FBXO32: variants seen among roughly 807,000 people sequenced by gnomAD.
FBXO32 encodes F-box only protein 32.
FBXO32 carries 15 observed loss-of-function variants against 48.3 expected under a neutral mutation model. That is an observed-to-expected ratio of 0.31 (90% CI 0.21 to 0.48). The LOEUF is 0.48. Ranked by LOEUF, FBXO32 falls within the 20% of genes least tolerant of loss-of-function variation. The pLI is 0.99. For missense variants in FBXO32, 309 were observed against 432.7 expected (o/e 0.71, Z 2.54); for synonymous variants, 154 against 165.9 (o/e 0.93, Z 0.55).
Position 123,506,620 on chromosome 8 carries a change from G to C in FBXO32, c.652-46C>G, listed in dbSNP as rs759766806. 4.5e-5 allele frequency: 67 copies of C among 1,503,908 alleles called. No homozygotes were observed. The highest frequency in any genetic ancestry group is 6.0e-5 in the Non-Finnish European group (66 of 1,104,604). 93.2% of individuals were successfully genotyped at this position (1,503,908 alleles called of 1,614,324 possible). A position where few individuals can be genotyped will look rare whatever the true frequency, so the allele number is the denominator to read the frequency against. On this transcript the variant is annotated intron_variant, in intron 6 of 8. Transcript: ENST00000517956. This position sits in a 1 kb window ranked among gnomAD's most constrained non-coding sequence, Gnocchi z 4.0. ...ATAGGTGGGGGGGCCAGAGAGCAGC[G>C]ATTCACCAGGCCACACCCTCCAGGC...
chr8:123,533,274 T>A (rs775913453), intron 2 of FBXO32, 34 bp from the exon 3 acceptor site: 4 of 1,485,950 alleles, frequency 2.7e-6, no homozygotes, highest in South Asian at 2.3e-5. Flanking sequence ...AGCTTTAACA[T>A]CTGCAACATG....
At chr8:123,522,205 C>CTTTTTTTT (rs138504281) in intron 4 of FBXO32, among the ~76,000 whole-genome samples, 3 of 115,290 alleles carry the variant, frequency 2.6e-5, no homozygotes, top group Non-Finnish European at 3.5e-5. Flanking sequence ...ATCCTGGTTA[C>CTTTTTTTT]TTTTTTTTTT....
chr8:123,539,408 G>A (rs1475804281), intron 1 of FBXO32, among the ~76,000 whole-genome samples: 3 of 152,140 alleles, frequency 2.0e-5, no homozygotes, highest in Non-Finnish European at 2.9e-5. Context: ...AACTCCAGTC[G>A]ATAAAAGACA....
At chr8:123,526,574 G>T (rs1817082068) in intron 4 of FBXO32, among the ~76,000 whole-genome samples, 1 of 152,094 alleles carries the variant, frequency 6.6e-6, no homozygotes, top group African/African-American at 2.4e-5. Flanking sequence ...GTCCATACTT[G>T]AATGTTCTGC....
intron 3 of FBXO32, among the ~76,000 whole-genome samples, chr8:123,532,962 A>G (rs1048296289): frequency 2.6e-5 from 4 of 152,236 alleles, no homozygotes; most frequent in South Asian, 4.1e-4. Flanking sequence ...GCACTTTTAC[A>G]TACATAATCT....
chr8:123,528,084 A>G (rs1216741654), intron 4 of FBXO32, among the ~76,000 whole-genome samples: 1 of 152,262 alleles, frequency 6.6e-6, no homozygotes, highest in Admixed American at 6.5e-5. Context: ...TGGGATCACC[A>G]GGCAGATATT....
chr8:123,501,013 A>T lies in FBXO32; in HGVS notation c.*2360T>A, dbSNP rs552752786. On this transcript the variant is annotated 3_prime_UTR_variant, in exon 9 of 9. Transcript: ENST00000517956. ...AATCATGTGCACTGCTGACAGTCTA[A>T]ATGACACCAGTGTCCCAGTTTTGTG... is the stretch of plus-strand genomic sequence containing the variant. 2 of 152,266 alleles carry T rather than the reference A, an allele frequency of 1.3e-5. No individual in the cohort carries two copies. Among genetic ancestry groups the T allele is most frequent in the East Asian group, 3.9e-4 (2 of 5,178 alleles). 9.4% of individuals were successfully genotyped at this position (152,266 alleles called of 1,614,324 possible).
chr8:123,523,003 G>A (rs1816992302), intron 4 of FBXO32, among the ~76,000 whole-genome samples: 1 of 152,114 alleles, frequency 6.6e-6, no homozygotes, highest in South Asian at 2.1e-4. Context: ...ACCCGTTCAG[G>A]GGCTCAAAAG....
chr8:123,528,676 A>C (rs1452199212), intron 4 of FBXO32, among the ~76,000 whole-genome samples: 1 of 152,148 alleles, frequency 6.6e-6, no homozygotes, highest in Non-Finnish European at 1.5e-5. Flanking sequence ...CATTCGTGAA[A>C]TTTTCATGCT....
intron 4 of FBXO32, among the ~76,000 whole-genome samples, chr8:123,531,441 A>G (rs1817206698): frequency 1.3e-5 from 2 of 152,202 alleles, no homozygotes; most frequent in Admixed American, 1.3e-4. Context: ...AGTCAGCTGA[A>G]GTAGGACAAG....
chr8:123,535,076 T>C (rs1018261227), intron 1 of FBXO32, among the ~76,000 whole-genome samples: 2 of 150,540 alleles, frequency 1.3e-5, no homozygotes, highest in Non-Finnish European at 3.0e-5. Flanking sequence ...GTGCCTTGCA[T>C]TGTAATTTGA....
At chr8:123,505,590 G>C (rs1000617881) in intron 7 of FBXO32, among the ~76,000 whole-genome samples, 2 of 152,086 alleles carry the variant, frequency 1.3e-5, no homozygotes, top group African/African-American at 4.8e-5. Flanking sequence ...ACAAAAATTA[G>C]CCAGGCATGG....
rs2130488387 is a variant in FBXO32 at position 123,500,873 on chromosome 8, C to G, written c.*2500G>C. ...CACCAGCTCCAATAACACCAAAGGACACGGGGAGAGCCCACTGGTACCATC... is the reference window on the plus strand; with the variant it reads ...CACCAGCTCCAATAACACCAAAGGAGACGGGGAGAGCCCACTGGTACCATC... On this transcript the variant is annotated 3_prime_UTR_variant, in exon 9 of 9. Coordinates refer to ENST00000517956, the MANE Select transcript of FBXO32 (RefSeq NM_058229.4). 1 of 152,308 alleles carries G rather than the reference C, an allele frequency of 6.6e-6. No individual in the cohort carries two copies. Among genetic ancestry groups the G allele is most frequent in the Non-Finnish European group, 1.5e-5 (1 of 68,040 alleles). 9.4% of individuals were successfully genotyped at this position (152,308 alleles called of 1,614,324 possible). A position where few individuals can be genotyped will look rare whatever the true frequency, so the allele number is the denominator to read the frequency against.
intron 8 of FBXO32, 86 bp downstream of exon 8, chr8:123,504,518 G>A: frequency 8.9e-7 from 1 of 1,123,732 alleles, no homozygotes; most frequent in Non-Finnish European, 1.1e-6. Context: ...GAGGCGGAAA[G>A]GCGCTGGCCT....
chr8:123,520,912 G>A (rs1212781278), intron 4 of FBXO32, among the ~76,000 whole-genome samples: 2 of 152,098 alleles, frequency 1.3e-5, no homozygotes, highest in Admixed American at 6.5e-5. Flanking sequence ...CAGGTTATTC[G>A]TCTCTCGAAT....
Position 123,506,657 on chromosome 8 carries a change from C to G in FBXO32, c.652-83G>C. Reference sequence around the variant, plus strand: ...CACACCCTCCAGGCATGCAGCTGTGCCCGTCCTCCACCCTCAAGGCAGTTT... The same window carrying G: ...CACACCCTCCAGGCATGCAGCTGTGGCCGTCCTCCACCCTCAAGGCAGTTT... On this transcript the variant is annotated intron_variant, in intron 6 of 8. Transcript: ENST00000517956. The surrounding 1 kb of genome is among the most constrained non-coding windows in gnomAD (Gnocchi z 4.0). 1 of 1,218,888 alleles carries G rather than the reference C, an allele frequency of 8.2e-7. No individual in the cohort carries two copies. The highest frequency in any genetic ancestry group is 1.2e-6 in the Non-Finnish European group (1 of 864,888). The allele number at this position is 1,218,888 out of a possible 1,614,324, so 75.5% of individuals were successfully genotyped here.
Position 123,503,318 on chromosome 8 carries a change from C to T in FBXO32, c.*55G>A. On this transcript the variant is annotated 3_prime_UTR_variant, in exon 9 of 9. Transcript: ENST00000517956. ...AAATGAAGTGTCCAAATGCCATATT[C>T]CCAGCTCTCCAGTCAGCAGGGGGAC... 1 of 1,439,270 alleles carries T rather than the reference C, an allele frequency of 6.9e-7. No individual in the cohort carries two copies. Among genetic ancestry groups the T allele is most frequent in the African/African-American group, 1.4e-5 (1 of 71,374 alleles). 89.2% of individuals were successfully genotyped at this position (1,439,270 alleles called of 1,614,324 possible). A position where few individuals can be genotyped will look rare whatever the true frequency, so the allele number is the denominator to read the frequency against.
At position 123,540,986 on chromosome 8, in the gene FBXO32, G is replaced by C. The variant is rs1217008856; in HGVS notation, c.29C>G (p.Ser10Cys). The C allele has an allele frequency of 6.2e-7, 1 of 1,612,408 alleles. No homozygotes were observed. The highest frequency in any genetic ancestry group is 1.1e-5 in the South Asian group (1 of 91,034). Residue 10 changes from serine to cysteine, a missense_variant, in exon 1 of 9, where the codon TCC becomes TGC. Transcript: ENST00000517956. This position sits in a 1 kb window ranked among gnomAD's most constrained non-coding sequence, Gnocchi z 6.4. Reference sequence around the variant, plus strand: ...CGTCTTCACCCAGTTCTGCCCGGGGGACCGCCAGTCCTGCCCGAGGAATGG... The same window carrying C: ...CGTCTTCACCCAGTTCTGCCCGGGGCACCGCCAGTCCTGCCCGAGGAATGG... MPFLGQDWRSPGQNWVKTAD... is the reference protein window; with the variant it reads MPFLGQDWRCPGQNWVKTAD...
In FBXO32 at chr8:123,540,011, C is replaced by A. The variant is rs11984925; in HGVS notation, c.116+888G>T. Among the ~76,000 whole-genome samples, 2,966 of 152,324 alleles carry A rather than the reference C, an allele frequency of 0.019. 101 individuals carry two copies. The highest frequency in any genetic ancestry group is 0.068 in the African/African-American group (2,840 of 41,554). Reference sequence around the variant, plus strand: ...AGGCTACCTTGCGTACTAGCCGGCGCTGGCATCGTTAGCCAAGCTGAGCAG... The same window carrying A: ...AGGCTACCTTGCGTACTAGCCGGCGATGGCATCGTTAGCCAAGCTGAGCAG... On this transcript the variant is annotated intron_variant, in intron 1 of 8. Coordinates refer to ENST00000517956, the MANE Select transcript of FBXO32 (RefSeq NM_058229.4). The surrounding 1 kb of genome is among the most constrained non-coding windows in gnomAD (Gnocchi z 6.4).
Sources: allele counts gnomAD v4.1 joint callset (sites outside exome capture counted in the v4.1 genomes callset), GRCh38; gene constraint gnomAD v4.1.1; non-coding constraint Gnocchi (gnomAD v3.1); transcripts MANE v1.5; gene names NCBI Gene and HGNC (gene_info 2026-07-23, HGNC 2026-07-21).